GLIS3: variants seen among roughly 807,000 people sequenced by gnomAD.
GLIS3 encodes the protein GLIS family zinc finger 3, also known as zinc finger protein GLIS3.
A neutral mutation model predicts 78.6 loss-of-function variants in GLIS3; 53 were observed. The ratio of observed to expected loss-of-function variants is 0.67; its 90% CI spans 0.54 to 0.85. The LOEUF (loss-of-function observed/expected upper bound fraction) is 0.85. Ranked by LOEUF, GLIS3 falls within the 40% of genes least tolerant of loss-of-function variation. The pLI, the probability that GLIS3 is intolerant of heterozygous loss-of-function variation, is 0.00. For missense variants in GLIS3, 1,703 were observed against 1,231.1 expected (o/e 1.38, Z -5.74); for synonymous variants, 684 against 509.9 (o/e 1.34, Z -4.60).
the GLIS3 span, among the ~76,000 whole-genome samples, chr9:4,378,997 G>C: frequency 6.6e-6 from 1 of 152,178 alleles, no homozygotes; most frequent in Non-Finnish European, 1.5e-5. Context: ...GATTGTTAAG[G>C]GAAGAGTGTT....
chr9:3,931,396 G>A (rs892999302), intron 6 of GLIS3, among the ~76,000 whole-genome samples: 3 of 152,142 alleles, frequency 2.0e-5, no homozygotes, highest in Non-Finnish European at 4.4e-5. Context: ...AAGCCACGGT[G>A]ACCTGAAACC....
At chr9:4,094,561 T>C (rs945181255) in intron 4 of GLIS3, among the ~76,000 whole-genome samples, 1 of 152,224 alleles carries the variant, frequency 6.6e-6, no homozygotes, top group Non-Finnish European at 1.5e-5. Context: ...GTTACTACCA[T>C]GGCAAATACA....
chr9:3,950,107 C>T (rs141035801), intron 4 of GLIS3, among the ~76,000 whole-genome samples: 1 of 152,182 alleles, frequency 6.6e-6, no homozygotes, highest in Non-Finnish European at 1.5e-5. Flanking sequence ...TGACATTTCC[C>T]TCTCCCACAT....
chr9:4,390,790 T>C, the GLIS3 span, among the ~76,000 whole-genome samples: 1 of 152,300 alleles, frequency 6.6e-6, no homozygotes, highest in Non-Finnish European at 1.5e-5. Context: ...CCTAACTTTC[T>C]ACCTTCCTTG....
At chr9:4,106,999 T>C (rs953451338) in intron 4 of GLIS3, among the ~76,000 whole-genome samples, 1 of 151,916 alleles carries the variant, frequency 6.6e-6, no homozygotes, top group African/African-American at 2.4e-5. Flanking sequence ...GGCAATGGAA[T>C]CCTTGGAGAG....
chr9:3,832,499 C>G (rs754472712), intron 9 of GLIS3, among the ~76,000 whole-genome samples: 4 of 152,150 alleles, frequency 2.6e-5, no homozygotes, highest in African/African-American at 7.2e-5. Flanking sequence ...CTAATTGACA[C>G]ACAGACTAAT....
rs149355682 is a variant in GLIS3, at chr9:4,311,400, C to T, written n.265-872G>A. ...CTCCAGCCTAGGTGACAGAGCAAGA[C>T]TCTGTCTCAAAAAAGTAACTAAATA... On this transcript the variant is annotated intron_variant and non_coding_transcript_variant, in intron 2 of 4. Transcript: ENST00000471664. Among the ~76,000 whole-genome samples, 124 of 152,310 alleles carry T rather than the reference C, an allele frequency of 8.1e-4. 1 individual carries two copies. Among genetic ancestry groups the T allele is most frequent in the Non-Finnish European group, 1.4e-3 (92 of 68,026 alleles).
chr9:3,983,228 C>T (rs1294415309), intron 4 of GLIS3, among the ~76,000 whole-genome samples: 1 of 152,204 alleles, frequency 6.6e-6, no homozygotes, highest in Admixed American at 6.5e-5. Context: ...AAAGCTCTCT[C>T]TTCACTGCTG....
At chr9:4,427,617 G>A in the GLIS3 span, among the ~76,000 whole-genome samples, 2 of 152,236 alleles carry the variant, frequency 1.3e-5, no homozygotes, top group Admixed American at 6.5e-5. Context: ...CCAGCATTTT[G>A]GGAGGCTGAG....
the GLIS3 span, among the ~76,000 whole-genome samples, chr9:4,417,758 C>T: frequency 5.3e-5 from 8 of 152,168 alleles, no homozygotes; most frequent in Non-Finnish European, 7.3e-5. Flanking sequence ...CCTGTTTCAC[C>T]AACCAGGTAT....
intron 2 of GLIS3, among the ~76,000 whole-genome samples, chr9:4,238,017 A>ATG (rs1411502570): frequency 2.6e-5 from 4 of 152,288 alleles, no homozygotes; most frequent in African/African-American, 9.6e-5. Flanking sequence ...CTACCTAGGA[A>ATG]TGTTCTAGAC....
chr9:4,321,729 T>C (rs1339330711), intron 2 of GLIS3, among the ~76,000 whole-genome samples: 2 of 151,808 alleles, frequency 1.3e-5, no homozygotes, highest in African/African-American at 4.9e-5. Context: ...TTTTGTTTTG[T>C]TTTAGACAGA....
chr9:3,836,150 A>G (rs1818336960), intron 9 of GLIS3, among the ~76,000 whole-genome samples: 1 of 152,214 alleles, frequency 6.6e-6, no homozygotes, highest in African/African-American at 2.4e-5. Flanking sequence ...AGCTCTGCTG[A>G]GAACCAGCCC....
intron 1 of GLIS3, among the ~76,000 whole-genome samples, chr9:4,295,877 C>T (rs1433647047): frequency 6.6e-6 from 1 of 152,108 alleles, no homozygotes; most frequent in African/African-American, 2.4e-5. Context: ...GTATCAATGT[C>T]ATTTCAAAGG....
intron 4 of GLIS3, among the ~76,000 whole-genome samples, chr9:4,059,854 G>GAC (rs1375334504): frequency 6.6e-6 from 1 of 151,298 alleles, no homozygotes; most frequent in Non-Finnish European, 1.5e-5. Flanking sequence ...GAGAGAGAGA[G>GAC]AGAGAGAGAG....
At chr9:4,275,003 T>A (rs1291433476) in intron 2 of GLIS3, among the ~76,000 whole-genome samples, 7 of 152,196 alleles carry the variant, frequency 4.6e-5, no homozygotes, top group African/African-American at 1.7e-4. Context: ...AAGGCAGCCA[T>A]GAAAATAAGC....
intron 4 of GLIS3, among the ~76,000 whole-genome samples, chr9:4,048,777 G>C (rs1422305873): frequency 1.3e-5 from 2 of 152,168 alleles, no homozygotes; most frequent in Non-Finnish European, 2.9e-5. Flanking sequence ...AGGTGACTAG[G>C]CCTAGCCTAT....
chr9:4,313,263 G>A (rs1410236440), intron 2 of GLIS3, among the ~76,000 whole-genome samples: 1 of 152,204 alleles, frequency 6.6e-6, no homozygotes, highest in Non-Finnish European at 1.5e-5. Flanking sequence ...ACTCTGGCAA[G>A]TGTGTCTGCC....
chr9:4,065,717 T>G (rs7857094), intron 4 of GLIS3, among the ~76,000 whole-genome samples: 104,592 of 151,998 alleles, frequency 0.69, 36,373 homozygotes, highest in East Asian at 0.96. Context: ...AGCATAGAAT[T>G]TTCCAAGTGA....
Sources: gnomAD v4.1 joint callset for allele counts (sites outside exome capture counted in the v4.1 genomes callset) on GRCh38, gnomAD v4.1.1 for gene constraint, MANE v1.5 for transcripts, NCBI Gene and HGNC (gene_info 2026-07-23, HGNC 2026-07-21) for gene names.